CPXM2: variants seen among roughly 807,000 people sequenced by gnomAD.
The protein encoded by CPXM2 is inactive carboxypeptidase-like protein X2.
CPXM2 carries 66 observed loss-of-function variants against 86.1 expected under a neutral mutation model. That is an observed-to-expected ratio of 0.77 (90% CI 0.63 to 0.94). The LOEUF (loss-of-function observed/expected upper bound fraction) is 0.94. CPXM2 is among the 40% of genes least tolerant of loss of function. CPXM2 has a pLI of 0.00. For missense variants in CPXM2, 948 were observed against 1,026.3 expected, an observed-to-expected ratio of 0.92 and a Z score of 1.04; for synonymous variants, 388 against 400.2, an observed-to-expected ratio of 0.97 and a Z score of 0.36.
intron 4 of CPXM2, among the ~76,000 whole-genome samples, chr10:123,803,334 A>T (rs565840014): frequency 1.3e-4 from 19 of 147,866 alleles, no homozygotes; most frequent in South Asian, 8.7e-4. Context: ...CTTGTCTCAA[A>T]CTCCTGGGCT....
chr10:123,788,115 T>A (rs374474984), intron 6 of CPXM2, among the ~76,000 whole-genome samples: 210 of 151,554 alleles, frequency 1.4e-3, no homozygotes, highest in African/African-American at 5.0e-3. Flanking sequence ...TCCCGGTCTC[T>A]ACTAAAAATA....
chr10:123,781,027 G>A (rs1480236640), intron 6 of CPXM2, among the ~76,000 whole-genome samples: 2 of 152,330 alleles, frequency 1.3e-5, no homozygotes, highest in Non-Finnish European at 2.9e-5. Context: ...GATGACTTCC[G>A]TGATGTGGAT....
At chr10:123,750,059 C>A in intron 13 of CPXM2, 1 of 948,892 alleles carries the variant, frequency 1.1e-6, no homozygotes, top group Non-Finnish European at 1.2e-6. Flanking sequence ...ACCTCATGAT[C>A]TGCCTGCCTT....
intron 2 of CPXM2, among the ~76,000 whole-genome samples, chr10:123,875,398 C>T (rs2134220865): frequency 6.6e-6 from 1 of 152,320 alleles, no homozygotes; most frequent in African/African-American, 2.4e-5. Context: ...TCCCCTGTCA[C>T]TCCCATAGGA....
At chr10:123,824,077 T>TC (rs1417158571) in intron 4 of CPXM2, among the ~76,000 whole-genome samples, 2 of 152,242 alleles carry the variant, frequency 1.3e-5, no homozygotes, top group Non-Finnish European at 2.9e-5. Flanking sequence ...AATTTATACC[T>TC]CTGTTACACA....
upstream of CPXM2, among the ~76,000 whole-genome samples, chr10:123,941,149 T>C (rs1006111404): frequency 6.6e-6 from 1 of 152,114 alleles, no homozygotes; most frequent in Non-Finnish European, 1.5e-5. Context: ...CCAGCCTGGG[T>C]GACAGAGCGA....
intron 2 of CPXM2, among the ~76,000 whole-genome samples, chr10:123,929,096 ATC>A (rs1945645965): frequency 6.6e-6 from 1 of 152,226 alleles, no homozygotes; most frequent in Admixed American, 6.5e-5. Flanking sequence ...GCCAGGAGAC[ATC>A]TGAGACCTTG....
intron 4 of CPXM2, among the ~76,000 whole-genome samples, chr10:123,810,674 G>C (rs1847670941): frequency 6.6e-6 from 1 of 152,004 alleles, no homozygotes. Context: ...AATTTTTATT[G>C]AATAACATTT....
intron 2 of CPXM2, among the ~76,000 whole-genome samples, chr10:123,932,500 G>A (rs1411365928): frequency 2.0e-5 from 3 of 152,344 alleles, no homozygotes; most frequent in East Asian, 1.9e-4. Context: ...TGCAAAGTCA[G>A]GCAGTCAACT....
At chr10:123,801,171 G>T (rs2362966) in intron 4 of CPXM2, among the ~76,000 whole-genome samples, 1 of 152,102 alleles carries the variant, frequency 6.6e-6, no homozygotes, top group African/African-American at 2.4e-5. Context: ...GGACCCAGTG[G>T]GAGGTAATTA....
intron 7 of CPXM2, 132 bp from the exon 8 acceptor site, chr10:123,771,171 A>T: frequency 2.6e-6 from 2 of 759,866 alleles, no homozygotes; most frequent in Non-Finnish European, 4.5e-6. Context: ...TGCACACCCC[A>T]GCTGCTATCG....
At chr10:123,792,886 C>G (rs1378693240) in intron 6 of CPXM2, among the ~76,000 whole-genome samples, 1 of 152,192 alleles carries the variant, frequency 6.6e-6, no homozygotes, top group Non-Finnish European at 1.5e-5. Context: ...CAGGAAAGAC[C>G]TAAGGCAACC....
At chr10:123,913,844 C>T in intron 2 of CPXM2, 1 of 362,432 alleles carries the variant, frequency 2.8e-6, no homozygotes, top group Non-Finnish European at 5.5e-6. Flanking sequence ...GGATCTGTGG[C>T]ATACTTCCAA....
At chr10:123,812,818 A>G (rs1847722363) in intron 4 of CPXM2, among the ~76,000 whole-genome samples, 1 of 151,654 alleles carries the variant, frequency 6.6e-6, no homozygotes, top group African/African-American at 2.4e-5. Context: ...TCCTAAAACC[A>G]CCCCTTCCCC....
At chr10:123,911,170 C>A (rs1448992567) in intron 2 of CPXM2, among the ~76,000 whole-genome samples, 1 of 152,062 alleles carries the variant, frequency 6.6e-6, no homozygotes, top group Admixed American at 6.5e-5. Flanking sequence ...CTGTGGGGGA[C>A]AAAATTCAAC....
chr10:123,820,134 G>T (rs1203211989), intron 4 of CPXM2, among the ~76,000 whole-genome samples: 2 of 152,158 alleles, frequency 1.3e-5, no homozygotes, highest in Non-Finnish European at 2.9e-5. Context: ...CTTGTAGACA[G>T]CCCATTGTGG....
intron 2 of CPXM2, among the ~76,000 whole-genome samples, chr10:123,868,424 G>C (rs1323593366): frequency 1.3e-5 from 2 of 152,166 alleles, no homozygotes; most frequent in Non-Finnish European, 2.9e-5. Flanking sequence ...TTCAAAACCA[G>C]AAATCTCAAA....
At chr10:123,941,781 T>A (rs1945779789), upstream of CPXM2, among the ~76,000 whole-genome samples, 1 of 151,960 alleles carries the variant, frequency 6.6e-6, no homozygotes, top group South Asian at 2.1e-4. Context: ...AAAGCTAGAG[T>A]ATGAGGCCAG....
At chr10:123,911,143 G>A (rs9423278) in intron 2 of CPXM2, among the ~76,000 whole-genome samples, 35,148 of 152,076 alleles carry the variant, frequency 0.23, 5,227 homozygotes, top group East Asian at 0.6. Flanking sequence ...TGGGAGTTAG[G>A]ACTTCAACAT....
Sources: gnomAD v4.1 joint callset for allele counts (sites outside exome capture counted in the v4.1 genomes callset) on GRCh38, gnomAD v4.1.1 for gene constraint, MANE v1.5 for transcripts, NCBI Gene and HGNC (gene_info 2026-07-23, HGNC 2026-07-21) for gene names.